Variants in DYSF observed in about 807,000 individuals in gnomAD.
DYSF encodes dystrophy-associated fer-1-like 1.
A neutral mutation model predicts 274.9 loss-of-function variants in DYSF; 212 were observed. The observed-to-expected ratio is 0.77, with a 90% CI of 0.69 to 0.86. The LOEUF is 0.86. Among genes scored for constraint, DYSF ranks in the 40% least tolerant of loss-of-function variants. The probability of loss-of-function intolerance (pLI) is 0.00; values close to 1 mark genes in which losing one functional copy is unlikely to be tolerated. For missense variants in DYSF, 2,666 were observed against 2,783.2 expected (o/e 0.96, Z 0.95); for synonymous variants, 1,091 against 1,078.7 (o/e 1.01, Z -0.22).
chr2:71,524,676 G>C (rs1004782887), intron 12 of DYSF, among the ~76,000 whole-genome samples: 3 of 152,232 alleles, frequency 2.0e-5, no homozygotes, highest in African/African-American at 4.8e-5. Flanking sequence ...TAGCCCAAGA[G>C]CAGCCACCAG....
Position 71,665,171 on chromosome 2 carries a change from G to T in DYSF, c.5184G>T (p.Pro1728=). ...TGTGCTTGCTCCTCAGCTCTGGACC[G>T]AACCAGTGGCGGGACCAGCTCCGCC... is the stretch of plus-strand genomic sequence containing the variant. ...GLPQTYCVSG[P]NQWRDQLRPS... The change falls in exon 47 of 56, where the codon CCG becomes CCT. Residue 1728 remains proline, a synonymous_variant. Coordinates refer to ENST00000410020, the MANE Select transcript of DYSF (RefSeq NM_001130987.2). 1.2e-6 allele frequency: 2 copies of T among 1,613,904 alleles called. No individual in the cohort carries two copies. The highest frequency in any genetic ancestry group is 1.7e-6 in the Non-Finnish European group (2 of 1,180,028).
chr2:71,639,638 AAC>A (rs2094457631), intron 41 of DYSF, among the ~76,000 whole-genome samples: 1 of 152,218 alleles, frequency 6.6e-6, no homozygotes, highest in African/African-American at 2.4e-5. Context: ...TTCAGGTCCA[AAC>A]AGTTCCTTAT....
upstream of DYSF, among the ~76,000 whole-genome samples, chr2:71,463,346 G>A (rs182234676): frequency 5.7e-3 from 862 of 152,354 alleles, 3 homozygotes; most frequent in Non-Finnish European, 9.3e-3. Flanking sequence ...ATGGGGCGAA[G>A]GCACTTCTGA....
chr2:71,503,490 G>C (rs1199029910), intron 4 of DYSF, among the ~76,000 whole-genome samples, 171 bp downstream of exon 4: 1 of 152,228 alleles, frequency 6.6e-6, no homozygotes, highest in African/African-American at 2.4e-5. Context: ...CTGGACTAGG[G>C]GAGATGGGAA....
intron 5 of DYSF, 60 bp downstream of exon 5, chr2:71,511,981 G>A: frequency 9.0e-7 from 1 of 1,117,294 alleles, no homozygotes; most frequent in Non-Finnish European, 1.3e-6. Context: ...TGGCACTTGA[G>A]CCTGGGGGCT....
chr2:71,642,234 C>T (rs1275549489), intron 41 of DYSF, among the ~76,000 whole-genome samples: 1 of 152,200 alleles, frequency 6.6e-6, no homozygotes, highest in Admixed American at 6.5e-5. Context: ...GGGAACTCAA[C>T]AGCTAAATTG....
chr2:71,513,371 C>T (rs2086306800), intron 6 of DYSF, 39 bp downstream of exon 6: 4 of 1,534,276 alleles, frequency 2.6e-6, no homozygotes, highest in Non-Finnish European at 3.5e-6. Flanking sequence ...CCCAGACCCT[C>T]CCTGTAACTG....
At chr2:71,658,762 C>T in intron 43 of DYSF, 116 bp from the exon 44 acceptor site, 2 of 1,345,504 alleles carry the variant, frequency 1.5e-6, no homozygotes, top group Non-Finnish European at 2.1e-6. Flanking sequence ...TGGGTCCCTC[C>T]CACAACATGT....
intron 20 of DYSF, 33 bp downstream of exon 20, chr2:71,553,221 A>G (rs1298692537): frequency 1.2e-5 from 19 of 1,613,288 alleles, no homozygotes; most frequent in African/African-American, 1.3e-5. Context: ...GACCCCGATC[A>G]CAGGATCATA....
intron 22 of DYSF, among the ~76,000 whole-genome samples, chr2:71,560,309 G>T (rs1159668009): frequency 2.0e-5 from 3 of 151,828 alleles, no homozygotes; most frequent in Non-Finnish European, 4.4e-5. Context: ...CCCGGCTCCC[G>T]ACCCGGGCTG....
At chr2:71,498,819 T>G (rs1371084385) in intron 3 of DYSF, among the ~76,000 whole-genome samples, 1 of 152,246 alleles carries the variant, frequency 6.6e-6, no homozygotes, top group African/African-American at 2.4e-5. Flanking sequence ...TCTCTTTCAC[T>G]GTCATCATTC....
At chr2:71,460,599 A>G (rs1303820977) in intron 1 of DYSF, among the ~76,000 whole-genome samples, 1 of 152,170 alleles carries the variant, frequency 6.6e-6, no homozygotes, top group Non-Finnish European at 1.5e-5. Context: ...TGAAGTCTGC[A>G]AGGGAACAGT....
At chr2:71,543,661 A>G (rs572502202) in intron 17 of DYSF, among the ~76,000 whole-genome samples, 1 of 152,362 alleles carries the variant, frequency 6.6e-6, no homozygotes, top group Non-Finnish European at 1.5e-5. Flanking sequence ...GGAGCTGGAG[A>G]CCAGCCCGGC....
Position 71,553,131 on chromosome 2 carries a change from G to A in DYSF, c.1927G>A (p.Asp643Asn), listed in dbSNP as rs121908960. ...VSIGNYGNKF[D>N]MTCLPLASTT... The stretch of plus-strand genomic sequence containing the variant: ...CATCGGGAACTACGGGAACAAGTTC[G>A]ACATGACCTGCCTGCCGCTGGCCTC... Residue 643 changes from aspartate (D) to asparagine (N), a missense_variant, in exon 20 of 56, where the codon GAC (aspartate) becomes AAC (asparagine). Coordinates refer to ENST00000410020, the MANE Select transcript of DYSF (RefSeq NM_001130987.2). The A allele has an allele frequency of 1.0e-4, 161 of 1,613,964 alleles. No homozygotes were observed. The highest frequency in any genetic ancestry group is 1.3e-4 in the Non-Finnish European group (153 of 1,180,030).
intron 46 of DYSF, 22 bp from the exon 47 acceptor site, chr2:71,665,138 CTA>C: frequency 6.2e-7 from 1 of 1,613,088 alleles, no homozygotes; most frequent in Non-Finnish European, 8.5e-7. Context: ...AGCATCTCAT[CTA>C]TGTCTTGTGC....
chr2:71,618,208 A>AGAGGTGGGG (rs2093963050), intron 40 of DYSF, among the ~76,000 whole-genome samples: 1 of 49,458 alleles, frequency 2.0e-5, no homozygotes, highest in Non-Finnish European at 4.1e-5. Flanking sequence ...TAGAGATGGG[A>AGAGGTGGGG]TGTGTGTGTG....
At chr2:71,657,717 A>G (rs2152939533) in intron 43 of DYSF, among the ~76,000 whole-genome samples, 1 of 152,312 alleles carries the variant, frequency 6.6e-6, no homozygotes, top group South Asian at 2.1e-4. Flanking sequence ...GCCACAGCCC[A>G]AGCTGTACAT....
At chr2:71,496,303 G>A (rs1419622983) in intron 3 of DYSF, among the ~76,000 whole-genome samples, 1 of 152,110 alleles carries the variant, frequency 6.6e-6, no homozygotes, top group African/African-American at 2.4e-5. Flanking sequence ...GACCAGTCTG[G>A]GCAGCAGAGT....
chr2:71,574,076 G>C, intron 29 of DYSF, 122 bp from the exon 30 acceptor site: 1 of 1,247,888 alleles, frequency 8.0e-7, no homozygotes, highest in Non-Finnish European at 1.1e-6. Context: ...CCACCTGGAG[G>C]GCACTAGTGT....
Sources: gnomAD v4.1 joint callset for allele counts (sites outside exome capture counted in the v4.1 genomes callset) on GRCh38, gnomAD v4.1.1 for gene constraint, MANE v1.5 for transcripts, NCBI Gene and HGNC (gene_info 2026-07-23, HGNC 2026-07-21) for gene names.